Variants in CEP70 observed in about 807,000 individuals in gnomAD.
CEP70 encodes centrosomal protein of 70 kDa.
Under a neutral mutation model 90.9 loss-of-function variants are expected in CEP70, and 70 were observed. The ratio of observed to expected loss-of-function variants is 0.77; its 90% CI spans 0.64 to 0.94. CEP70 has a LOEUF of 0.94. Ranked by LOEUF, CEP70 falls within the 40% of genes least tolerant of loss-of-function variation. The pLI is 0.00. For missense variants in CEP70, 648 were observed against 669.0 expected, an observed-to-expected ratio of 0.97 and a Z score of 0.35; for synonymous variants, 220 against 228.3, an observed-to-expected ratio of 0.96 and a Z score of 0.33.
At chr3:138,583,156 G>A (rs1337870163) in intron 2 of CEP70, among the ~76,000 whole-genome samples, 3 of 152,138 alleles carry the variant, frequency 2.0e-5, no homozygotes, top group Middle Eastern at 3.2e-3. Context: ...TATAGCAGGA[G>A]TAGCTATACT....
At chr3:138,505,529 TA>T in intron 12 of CEP70, 64 bp from the exon 13 acceptor site, 1 of 1,088,172 alleles carries the variant, frequency 9.2e-7, no homozygotes. Context: ...TTATATATTT[TA>T]AAGGAGTGCT....
In CEP70 at chr3:138,508,555, GA is replaced by G. The variant is rs374098559; in HGVS notation, c.945-12del. The G allele has an allele frequency of 1.6e-4, 239 of 1,524,752 alleles. 1 individual carries two copies. The highest frequency in any genetic ancestry group is 1.4e-3 in the South Asian group (125 of 89,090). The allele number at this position is 1,524,752 out of a possible 1,614,324, so 94.5% of individuals were successfully genotyped here. On this transcript the variant is annotated splice_polypyrimidine_tract_variant and intron_variant, in intron 11 of 17. Transcript: ENST00000264982. ...ATAAGCTCCTGTAATCTAAAAGGGG[GA>G]AAAAAATCAAGATAATACAAAATTA...
intron 2 of CEP70, among the ~76,000 whole-genome samples, chr3:138,589,364 A>G (rs2108283204): frequency 6.6e-6 from 1 of 152,214 alleles, no homozygotes; most frequent in Non-Finnish European, 1.5e-5. Flanking sequence ...AATGAAAAAG[A>G]AAAAATTTGG....
intron 6 of CEP70, among the ~76,000 whole-genome samples, chr3:138,540,264 G>A (rs1338061539): frequency 6.6e-6 from 1 of 152,060 alleles, no homozygotes; most frequent in Non-Finnish European, 1.5e-5. Context: ...GGAGGCTGAG[G>A]CAAGTGGATC....
chr3:138,537,348 C>T lies in CEP70; in HGVS notation c.466-1G>A. 6.4e-7 allele frequency: 1 copy of T among 1,569,144 alleles called. No homozygotes were observed. Among genetic ancestry groups the T allele is most frequent in the Non-Finnish European group, 8.6e-7 (1 of 1,159,892 alleles). ...TTTTCTTATAATGCTGGCACTTCAC[C>T]TATAAGATATTTTTTAAAAACATGA... On this transcript the variant is annotated splice_acceptor_variant, in intron 6 of 17. Coordinates refer to ENST00000264982, the MANE Select transcript of CEP70 (RefSeq NM_024491.4). LOFTEE classifies it high-confidence loss of function.
At chr3:138,537,001 C>CAAAAA (rs57447148) in intron 7 of CEP70, 177 bp downstream of exon 7, 109 of 250,662 alleles carry the variant, frequency 4.3e-4, no homozygotes, top group Non-Finnish European at 5.4e-4. Flanking sequence ...ACCTCTAGAA[C>CAAAAA]AAAAAAAAAA....
Position 138,580,195 on chromosome 3 carries a change from T to C in CEP70, c.-5-7263A>G, listed in dbSNP as rs76093168. On this transcript the variant is annotated intron_variant, in intron 2 of 17. Coordinates refer to ENST00000264982, the MANE Select transcript of CEP70 (RefSeq NM_024491.4). ...TGGCACCAGCTCAGCCTCAGTAGAA[T>C]AGAGCACCAGGTAGGTTTCCAAGGA... Among the ~76,000 whole-genome samples, 41 of 152,216 alleles carry C rather than the reference T, an allele frequency of 2.7e-4. No individual in the cohort carries two copies. In the East Asian group the frequency reaches 4.5e-3, roughly 17 times the overall value.
intron 6 of CEP70, among the ~76,000 whole-genome samples, chr3:138,569,233 C>G (rs1053436289): frequency 6.6e-6 from 1 of 152,148 alleles, no homozygotes; most frequent in Non-Finnish European, 1.5e-5. Flanking sequence ...ACTAACTCAT[C>G]TGATCCTTCC....
intron 13 of CEP70, among the ~76,000 whole-genome samples, chr3:138,503,404 C>G (rs1446870555): frequency 6.6e-6 from 1 of 152,056 alleles, no homozygotes; most frequent in African/African-American, 2.4e-5. Flanking sequence ...CCACATTTTG[C>G]TTATCCATTC....
At chr3:138,507,777 T>G (rs922159976) in intron 12 of CEP70, among the ~76,000 whole-genome samples, 5 of 152,316 alleles carry the variant, frequency 3.3e-5, no homozygotes, top group Admixed American at 3.3e-4. Flanking sequence ...CTAATTCTGC[T>G]GTGATAATAA....
chr3:138,528,201 C>T (rs2037476627), intron 10 of CEP70, among the ~76,000 whole-genome samples: 1 of 151,924 alleles, frequency 6.6e-6, no homozygotes, highest in Admixed American at 6.6e-5. Flanking sequence ...CAGACCACCA[C>T]ACCCAGCTAA....
At chr3:138,527,166 T>TTTTTG (rs199809295) in intron 10 of CEP70, among the ~76,000 whole-genome samples, 1 of 151,636 alleles carries the variant, frequency 6.6e-6, no homozygotes, top group African/African-American at 2.4e-5. Flanking sequence ...CTTTTAGAGT[T>TTTTTG]TTTTGTTTTG....
Position 138,532,579 on chromosome 3 carries a change from C to A in CEP70, c.636-9G>T. On this transcript the variant is annotated splice_polypyrimidine_tract_variant and intron_variant, in intron 7 of 17. Coordinates refer to ENST00000264982, the MANE Select transcript of CEP70 (RefSeq NM_024491.4). Reference sequence around the variant, plus strand: ...CAATTAGACAAAGCAACCTAGAAAACAGAATATTGAATTATTTTCAAAATG... The same window carrying A: ...CAATTAGACAAAGCAACCTAGAAAAAAGAATATTGAATTATTTTCAAAATG... The A allele has an allele frequency of 6.8e-7, 1 of 1,477,720 alleles. No homozygotes were observed. The allele number at this position is 1,477,720 out of a possible 1,614,324, so 91.5% of individuals were successfully genotyped here.
At chr3:138,551,760 A>T (rs867740889) in intron 6 of CEP70, among the ~76,000 whole-genome samples, 2,825 of 48,156 alleles carry the variant, frequency 0.059, 68 homozygotes, top group South Asian at 0.11. Flanking sequence ...AAAAAAAAAT[A>T]AAATAAAACA....
At chr3:138,535,093 C>T (rs757685367) in intron 7 of CEP70, among the ~76,000 whole-genome samples, 20 of 152,150 alleles carry the variant, frequency 1.3e-4, no homozygotes, top group Non-Finnish European at 2.6e-4. Flanking sequence ...TTAAGTCTCT[C>T]AAAGTTACAG....
In CEP70 at chr3:138,570,704, C is replaced by G. The variant is rs2041114084; in HGVS notation, c.285-206G>C. ...TACTTACTAGTTAAGCATCTCAAATCTGAAAATCCAAAATCCAAAATGCTC... is the reference window on the plus strand; with the variant it reads ...TACTTACTAGTTAAGCATCTCAAATGTGAAAATCCAAAATCCAAAATGCTC... On this transcript the variant is annotated intron_variant, in intron 5 of 17. Transcript: ENST00000264982. Among the ~76,000 whole-genome samples the G allele has an allele frequency of 2.0e-5, 3 of 152,122 alleles. No homozygotes were observed. In the South Asian group the frequency reaches 6.2e-4, roughly 31 times the overall value.
Position 138,500,174 on chromosome 3 carries a change from TAC to T in CEP70, c.1586_1587del (p.Cys529Ter). 1.2e-6 allele frequency: 2 copies of T among 1,613,956 alleles called. No individual in the cohort carries two copies. Among genetic ancestry groups the T allele is most frequent in the South Asian group, 1.1e-5 (1 of 91,066 alleles). Reference sequence around the variant, plus strand: ...TCATTCACATCTTCATTAATCAGCCTACAGAGTTTTCCAACAGTGCTTACTAG... The same window carrying T: ...TCATTCACATCTTCATTAATCAGCCTAGAGTTTTCCAACAGTGCTTACTAG... Reference protein sequence around the residue: ...CVLVSTVGKLCRLINEDVNEQ... With the variant: ...CVLVSTVGKLXRLINEDVNEQ... On this transcript the variant is annotated frameshift_variant, in exon 16 of 18. Coordinates refer to ENST00000264982, the MANE Select transcript of CEP70 (RefSeq NM_024491.4). LOFTEE classifies it high-confidence loss of function.
At chr3:138,582,297 C>G (rs905119726) in intron 2 of CEP70, among the ~76,000 whole-genome samples, 1 of 151,970 alleles carries the variant, frequency 6.6e-6, no homozygotes, top group Non-Finnish European at 1.5e-5. Flanking sequence ...GATGGTGAAA[C>G]CCTGTCTCTA....
chr3:138,575,756 G>A (rs533552183), intron 2 of CEP70, among the ~76,000 whole-genome samples: 3 of 152,108 alleles, frequency 2.0e-5, no homozygotes, highest in Non-Finnish European at 4.4e-5. Context: ...AGATCTCTTG[G>A]CCGAAACCCT....
Sources: gnomAD v4.1 joint callset for allele counts (sites outside exome capture counted in the v4.1 genomes callset) on GRCh38, gnomAD v4.1.1 for gene constraint, MANE v1.5 for transcripts, NCBI Gene and HGNC (gene_info 2026-07-23, HGNC 2026-07-21) for gene names.